The following ME3 variants were observed in gnomAD, a reference collection of about 807,000 sequenced individuals.
ME3 encodes malic enzyme 3.
A neutral mutation model predicts 68.9 loss-of-function variants in ME3; 48 were observed. The observed-to-expected ratio is 0.70, with a 90% CI of 0.55 to 0.89. The LOEUF is 0.89. ME3 is among the 40% of genes least tolerant of loss of function. ME3 has a pLI of 0.00. For missense variants in ME3, 675 were observed against 797.4 expected (o/e 0.85, Z 1.85); for synonymous variants, 320 against 318.8 (o/e 1.00, Z -0.04).
rs199642579 is a variant in ME3 at position 86,595,918 on chromosome 11, C to CT, written c.184-36096dup. On this transcript the variant is annotated intron_variant, in intron 2 of 14. Transcript: ENST00000543262. ...CCATACCTTCTCGGCCCCAGACACT[C>CT]TAATATGGTCCAGGTGTTTCAGAAT... 4.6e-5 allele frequency among the ~76,000 whole-genome samples: 7 copies of CT among 152,230 alleles called. No homozygotes were observed. The East Asian group carries it at 1.2e-3, about 25-fold the overall frequency.
intron 7 of ME3, among the ~76,000 whole-genome samples, chr11:86,473,757 T>A (rs180767783): frequency 9.9e-4 from 150 of 151,534 alleles, no homozygotes; most frequent in Non-Finnish European, 1.9e-3. Context: ...TTCACAAGGA[T>A]GACAGGGAAT....
intron 2 of ME3, among the ~76,000 whole-genome samples, chr11:86,607,648 G>T (rs935494498): frequency 6.7e-6 from 1 of 149,466 alleles, no homozygotes; most frequent in Admixed American, 6.7e-5. Context: ...GGTTTTTGTT[G>T]TTTTTTTTCA....
At chr11:86,546,971 G>C (rs1332535992) in intron 4 of ME3, among the ~76,000 whole-genome samples, 1 of 152,134 alleles carries the variant, frequency 6.6e-6, no homozygotes, top group East Asian at 1.9e-4. Context: ...GGGCACAGTG[G>C]CTCACACCTG....
chr11:86,447,886 AAG>A (rs138161389), intron 11 of ME3, among the ~76,000 whole-genome samples: 1 of 149,770 alleles, frequency 6.7e-6, no homozygotes, highest in South Asian at 2.1e-4. Flanking sequence ...GACAGAGAGA[AAG>A]AGAGAGAGAG....
intron 2 of ME3, among the ~76,000 whole-genome samples, chr11:86,620,735 A>C (rs1184665737): frequency 6.6e-6 from 1 of 152,264 alleles, no homozygotes; most frequent in Non-Finnish European, 1.5e-5. Flanking sequence ...TCTACCAGGT[A>C]GCCCACTTTG....
chr11:86,534,149 G>T (rs1190254055), intron 4 of ME3, among the ~76,000 whole-genome samples: 1 of 150,098 alleles, frequency 6.7e-6, no homozygotes, highest in African/African-American at 2.5e-5. Context: ...TAAAATGAAT[G>T]AAATTTGCAG....
chr11:86,641,933 T>C (rs755527256), intron 2 of ME3, among the ~76,000 whole-genome samples: 7 of 152,090 alleles, frequency 4.6e-5, no homozygotes, highest in Non-Finnish European at 1.0e-4. Flanking sequence ...TGATAGTGAG[T>C]CAAACTAGCC....
At chr11:86,543,069 A>C (rs888403419) in intron 4 of ME3, among the ~76,000 whole-genome samples, 1 of 152,240 alleles carries the variant, frequency 6.6e-6, no homozygotes, top group Admixed American at 6.5e-5. Context: ...TCATAAGTGA[A>C]GGAGAAATAA....
At chr11:86,578,794 C>T (rs1958270708) in intron 2 of ME3, among the ~76,000 whole-genome samples, 1 of 152,080 alleles carries the variant, frequency 6.6e-6, no homozygotes, top group South Asian at 2.1e-4. Context: ...CAACTGTTTA[C>T]ACTTCACTGC....
At chr11:86,559,875 A>G in intron 2 of ME3, 52 bp from the exon 3 acceptor site, 1 of 1,584,112 alleles carries the variant, frequency 6.3e-7, no homozygotes, top group Non-Finnish European at 8.6e-7. Context: ...CTCAGGAGAC[A>G]AAGGAACAGA....
At chr11:86,485,567 T>C (rs536841029) in intron 7 of ME3, among the ~76,000 whole-genome samples, 1 of 152,284 alleles carries the variant, frequency 6.6e-6, no homozygotes, top group South Asian at 2.1e-4. Context: ...CTCCTTTCTT[T>C]CCAGCTTATT....
At chr11:86,529,761 T>G (rs1055364122) in intron 4 of ME3, among the ~76,000 whole-genome samples, 1 of 152,188 alleles carries the variant, frequency 6.6e-6, no homozygotes, top group Non-Finnish European at 1.5e-5. Flanking sequence ...AAAAACCACA[T>G]GATTATCTCA....
At chr11:86,630,648 C>G (rs1446015278) in intron 2 of ME3, among the ~76,000 whole-genome samples, 4 of 152,258 alleles carry the variant, frequency 2.6e-5, no homozygotes, top group Non-Finnish European at 5.9e-5. Context: ...CAGATTTGAT[C>G]AAATCAGGCC....
At chr11:86,594,831 T>C (rs1959193287) in intron 2 of ME3, among the ~76,000 whole-genome samples, 2 of 146,908 alleles carry the variant, frequency 1.4e-5, no homozygotes, top group African/African-American at 5.0e-5. Context: ...TCTGATACTT[T>C]GCAAGGTAGC....
intron 2 of ME3, among the ~76,000 whole-genome samples, chr11:86,602,532 A>G (rs1302222583): frequency 6.6e-6 from 1 of 152,064 alleles, no homozygotes; most frequent in African/African-American, 2.4e-5. Flanking sequence ...ATACTGCCCA[A>G]GGTAATTTAT....
intron 2 of ME3, among the ~76,000 whole-genome samples, chr11:86,608,734 A>C (rs1220318317): frequency 2.0e-5 from 3 of 152,230 alleles, no homozygotes; most frequent in Non-Finnish European, 4.4e-5. Context: ...TTCTCTAAAT[A>C]CAGTAAGGCT....
chr11:86,508,036 G>A (rs1953214414), intron 5 of ME3, among the ~76,000 whole-genome samples: 1 of 151,926 alleles, frequency 6.6e-6, no homozygotes, highest in Admixed American at 6.5e-5. Context: ...TTGGTATACA[G>A]AAATGTTTTC....
intron 2 of ME3, among the ~76,000 whole-genome samples, chr11:86,595,702 C>T (rs577349436): frequency 6.6e-6 from 1 of 152,246 alleles, no homozygotes; most frequent in East Asian, 1.9e-4. Context: ...GACTCCAGGC[C>T]CTCACTATTT....
chr11:86,646,625 A>G (rs917800619), intron 2 of ME3, among the ~76,000 whole-genome samples: 1 of 152,222 alleles, frequency 6.6e-6, no homozygotes, highest in Non-Finnish European at 1.5e-5. Flanking sequence ...TGGGAAACAC[A>G]CTTCAGGATA....
Sources: allele counts gnomAD v4.1 joint callset (sites outside exome capture counted in the v4.1 genomes callset), GRCh38; gene constraint gnomAD v4.1.1; transcripts MANE v1.5; gene names NCBI Gene and HGNC (gene_info 2026-07-23, HGNC 2026-07-21).